The following NANS variants were observed in gnomAD, a reference collection of about 807,000 sequenced individuals.
The protein encoded by NANS is N-acetylneuraminate-9-phosphate synthase.
In NANS, 29 loss-of-function variants were observed where a neutral mutation model predicts 33.3. The observed-to-expected ratio is 0.87, with a 90% CI of 0.65 to 1.19. The LOEUF (loss-of-function observed/expected upper bound fraction) is 1.19, where lower values mean the gene tolerates loss of function less well. Among genes scored for constraint, NANS ranks in the 50% most tolerant of loss-of-function variants. The pLI is 0.00. For synonymous variants in NANS, 163 were observed against 177.2 expected, an observed-to-expected ratio of 0.92 and a Z score of 0.64; for missense variants, 394 against 461.1, an observed-to-expected ratio of 0.85 and a Z score of 1.33.
intron 2 of NANS, among the ~76,000 whole-genome samples, chr9:98,072,381 T>A (rs1182482292): frequency 1.3e-5 from 2 of 151,940 alleles, no homozygotes; most frequent in Admixed American, 1.3e-4. Context: ...GTCCCCTGCC[T>A]GACCTAGGGC....
At chr9:98,076,812 C>A in intron 2 of NANS, 106 bp from the exon 3 acceptor site, 2 of 845,956 alleles carry the variant, frequency 2.4e-6, no homozygotes, top group Admixed American at 2.6e-5. Context: ...CGTCCCTCTA[C>A]TGCCTAAGAT....
In NANS at chr9:98,067,462, G is replaced by A. The variant is rs1255334931; in HGVS notation, c.348+6465G>A. ...AGTGGATGTGACATGGTGTCTCATTGTGGTTGTGATTTGCATTTCTCTGAT... is the reference window on the plus strand; with the variant it reads ...AGTGGATGTGACATGGTGTCTCATTATGGTTGTGATTTGCATTTCTCTGAT... On this transcript the variant is annotated intron_variant, in intron 2 of 5. Coordinates refer to ENST00000210444, the MANE Select transcript of NANS (RefSeq NM_018946.4). Among the ~76,000 whole-genome samples the A allele has an allele frequency of 3.3e-5, 5 of 152,170 alleles. No homozygotes were observed. In the South Asian group the frequency reaches 8.3e-4, roughly 25 times the overall value.
intron 2 of NANS, among the ~76,000 whole-genome samples, chr9:98,072,375 C>T (rs1234372101): frequency 6.6e-6 from 1 of 151,916 alleles, no homozygotes; most frequent in Admixed American, 6.6e-5. Flanking sequence ...CAGCTAGTCC[C>T]CTGCCTGACC....
Position 98,081,036 on chromosome 9 carries a change from C to T in NANS, c.824C>T (p.Ser275Phe), listed in dbSNP as rs1296085113. The change falls in exon 5 of 6, where the codon TCC (serine) becomes TTC (phenylalanine). Residue 275 changes from serine (S) to phenylalanine (F), a missense_variant. By Grantham distance (155) the Ser-to-Phe change is radical (BLOSUM62 -2). Transcript: ENST00000210444. ...SVRLVERALG[S>F]PTKQLLPCEM... is the part of the protein sequence containing the mutation. ...CGTCTTGTGGAGCGTGCCCTGGGCT[C>T]CCCAACCAAGCAGCTGCTGCCCTGT... The T allele has an allele frequency of 6.2e-7, 1 of 1,614,116 alleles. No individual in the cohort carries two copies.
At position 98,056,807 on chromosome 9, in the gene NANS, C is replaced by T; in HGVS notation, c.-2C>T. ...TGAGGCTTTGGACCCCGAGCCGCTGCAATGCCGCTGGAGCTGGAGCTGTGT... is the reference window on the plus strand; with the variant it reads ...TGAGGCTTTGGACCCCGAGCCGCTGTAATGCCGCTGGAGCTGGAGCTGTGT... On this transcript the variant is annotated 5_prime_UTR_variant, in exon 1 of 6. Transcript: ENST00000210444. 6.3e-7 allele frequency: 1 copy of T among 1,582,076 alleles called. No individual in the cohort carries two copies. Among genetic ancestry groups the T allele is most frequent in the Non-Finnish European group, 8.6e-7 (1 of 1,161,530 alleles).
chr9:98,063,183 C>T (rs537156444), intron 2 of NANS, among the ~76,000 whole-genome samples: 17 of 152,122 alleles, frequency 1.1e-4, no homozygotes, highest in Admixed American at 8.5e-4. Context: ...CCGCCCCAGC[C>T]TCCCAAAGGT....
At chr9:98,067,744 C>T (rs928117588) in intron 2 of NANS, among the ~76,000 whole-genome samples, 5 of 151,278 alleles carry the variant, frequency 3.3e-5, no homozygotes, top group African/African-American at 9.7e-5. Flanking sequence ...TTGTGAGATA[C>T]GGTCTTGCTC....
rs9918964 is a variant in NANS at position 98,067,727 on chromosome 9, T to C, written c.348+6730T>C. Among the ~76,000 whole-genome samples, 266 of 150,692 alleles carry C rather than the reference T, an allele frequency of 1.8e-3. 3 individuals are homozygous for C. Among genetic ancestry groups the C allele is most frequent in the African/African-American group, 6.3e-3 (255 of 40,796 alleles). ...CTTTGGGTTGTCTTTTTCACTTTCT[T>C]TTTTTTTTGTGAGATACGGTCTTGC... On this transcript the variant is annotated intron_variant, in intron 2 of 5. Coordinates refer to ENST00000210444, the MANE Select transcript of NANS (RefSeq NM_018946.4).
At chr9:98,057,012 GC>G in intron 1 of NANS, 72 bp downstream of exon 1, 1 of 1,458,132 alleles carries the variant, frequency 6.9e-7, no homozygotes, top group South Asian at 1.4e-5. Context: ...GGGAGCCAGG[GC>G]CACACGGCCT....
At chr9:98,068,641 C>A (rs1024359678) in intron 2 of NANS, among the ~76,000 whole-genome samples, 2 of 149,004 alleles carry the variant, frequency 1.3e-5, no homozygotes, top group Non-Finnish European at 3.0e-5. Flanking sequence ...ATAGCAAGAC[C>A]CCATCTATTA....
In NANS at chr9:98,064,735, T is replaced by C. The variant is rs930223977; in HGVS notation, c.348+3738T>C. 5.3e-5 allele frequency among the ~76,000 whole-genome samples: 8 copies of C among 152,198 alleles called. No individual in the cohort carries two copies. In the East Asian group the frequency reaches 1.3e-3, roughly 26 times the overall value. On this transcript the variant is annotated intron_variant, in intron 2 of 5. Transcript: ENST00000210444. ...TCTTAAAGGTAGCAGATCTGATGCCTAGAGCAGTATGCTTTCCACAGTCCC... is the reference window on the plus strand; with the variant it reads ...TCTTAAAGGTAGCAGATCTGATGCCCAGAGCAGTATGCTTTCCACAGTCCC...
At chr9:98,071,956 G>A (rs568848079) in intron 2 of NANS, among the ~76,000 whole-genome samples, 4 of 152,344 alleles carry the variant, frequency 2.6e-5, no homozygotes, top group Admixed American at 1.3e-4. Context: ...CATCGGTTGA[G>A]AACCCGGAGC....
Position 98,080,856 on chromosome 9 carries a change from C to G in NANS, c.644C>G (p.Ser215Cys). 1 of 1,610,548 alleles carries G rather than the reference C, an allele frequency of 6.2e-7. No homozygotes were observed. The highest frequency in any genetic ancestry group is 8.5e-7 in the Non-Finnish European group (1 of 1,177,292). The change falls in exon 5 of 6, where the codon TCT (serine) becomes TGT (cysteine). Residue 215 changes from serine to cysteine, a missense_variant. Ser to Cys is a moderately radical substitution (Grantham distance 112). Transcript: ENST00000210444. Reference sequence around the variant, plus strand: ...TTTCCTGACATTCCCATAGGGTATTCTGGGCATGAAACAGGCATAGCGATA... The same window carrying G: ...TTTCCTGACATTCCCATAGGGTATTGTGGGCATGAAACAGGCATAGCGATA... ...KLFPDIPIGYSGHETGIAISV... is the reference protein window; with the variant it reads ...KLFPDIPIGYCGHETGIAISV...
chr9:98,071,723 C>T (rs148313407), intron 2 of NANS, among the ~76,000 whole-genome samples: 24 of 152,320 alleles, frequency 1.6e-4, no homozygotes, highest in African/African-American at 3.8e-4. Context: ...ACCAAGCTAC[C>T]ATCCAGTGGT....
At chr9:98,065,618 C>T (rs572314418) in intron 2 of NANS, among the ~76,000 whole-genome samples, 47 of 149,680 alleles carry the variant, frequency 3.1e-4, no homozygotes, top group Middle Eastern at 3.4e-3. Context: ...GGATTACAGG[C>T]GTAAGCCTCT....
At chr9:98,065,398 C>T (rs1391366929) in intron 2 of NANS, among the ~76,000 whole-genome samples, 3 of 144,222 alleles carry the variant, frequency 2.1e-5, no homozygotes, top group Non-Finnish European at 4.5e-5. Context: ...CTCACTGCGA[C>T]TTCCGCCTCC....
At chr9:98,067,259 C>T (rs190162781) in intron 2 of NANS, among the ~76,000 whole-genome samples, 8 of 152,242 alleles carry the variant, frequency 5.3e-5, no homozygotes, top group Admixed American at 2.6e-4. Context: ...CATTTCTCTT[C>T]GGTATTACAT....
chr9:98,077,924 C>G, intron 3 of NANS: 1 of 485,032 alleles, frequency 2.1e-6, no homozygotes, highest in Non-Finnish European at 3.7e-6. Context: ...ACTCATTTTC[C>G]TCTTGGCAGT....
intron 2 of NANS, among the ~76,000 whole-genome samples, chr9:98,070,716 G>A (rs1165568324): frequency 6.7e-6 from 1 of 149,766 alleles, no homozygotes; most frequent in African/African-American, 2.4e-5. Flanking sequence ...CATCGCGCCT[G>A]GTCACAATTT....
Sources: allele counts gnomAD v4.1 joint callset (sites outside exome capture counted in the v4.1 genomes callset), GRCh38; gene constraint gnomAD v4.1.1; transcripts MANE v1.5; gene names NCBI Gene and HGNC (gene_info 2026-07-23, HGNC 2026-07-21).